The following THNSL1 variants were observed in gnomAD, a reference collection of about 807,000 sequenced individuals.
THNSL1 encodes threonine synthase-like 1.
A neutral mutation model predicts 50.4 loss-of-function variants in THNSL1; 48 were observed. The ratio of observed to expected loss-of-function variants is 0.95; its 90% CI spans 0.76 to 1.21. The LOEUF (loss-of-function observed/expected upper bound fraction) is 1.21. Among genes scored for constraint, THNSL1 ranks in the 50% most tolerant of loss-of-function variants. The pLI is 0.00. For synonymous variants in THNSL1, 309 were observed against 306.1 expected (o/e 1.01, Z -0.10); for missense variants, 896 against 871.7 (o/e 1.03, Z -0.35).
chr10:24,986,294 G>A, the THNSL1 span, among the ~76,000 whole-genome samples: 1 of 152,280 alleles, frequency 6.6e-6, no homozygotes, highest in African/African-American at 2.4e-5. Context: ...ATGATGACAG[G>A]TCAGGGCACA....
At chr10:25,011,289 G>T in the THNSL1 span, among the ~76,000 whole-genome samples, 194 of 152,248 alleles carry the variant, frequency 1.3e-3, no homozygotes, top group African/African-American at 4.5e-3. Flanking sequence ...TTTTGATGGG[G>T]TTGTTTGTTT....
At chr10:25,000,715 A>C in the THNSL1 span, among the ~76,000 whole-genome samples, 2 of 152,096 alleles carry the variant, frequency 1.3e-5, no homozygotes, top group Non-Finnish European at 2.9e-5. Flanking sequence ...ACTGCATAGA[A>C]ATTTTATCCA....
At chr10:25,016,521 G>A (rs915246959), upstream of THNSL1, 2 of 152,784 alleles carry the variant, frequency 1.3e-5, no homozygotes, top group African/African-American at 4.8e-5. Flanking sequence ...AGACGAGGGA[G>A]GGGAGGAGCC....
the THNSL1 span, among the ~76,000 whole-genome samples, chr10:24,968,899 T>C: frequency 6.6e-6 from 1 of 152,166 alleles, no homozygotes; most frequent in Non-Finnish European, 1.5e-5. Context: ...TTTGTTGTTG[T>C]TGTTGTTTTC....
the THNSL1 span, chr10:24,981,854 C>T: frequency 2.0e-5 from 3 of 152,138 alleles, no homozygotes; most frequent in Admixed American, 1.3e-4. Flanking sequence ...CGTGAAATTG[C>T]CTCCTTCTAC....
At chr10:24,999,459 T>A in the THNSL1 span, 5 of 1,613,476 alleles carry the variant, frequency 3.1e-6, no homozygotes, top group Non-Finnish European at 1.7e-6. Context: ...GAGAAGGTAC[T>A]TCAACTTTTG....
At chr10:24,985,899 C>T in the THNSL1 span, among the ~76,000 whole-genome samples, 1 of 152,090 alleles carries the variant, frequency 6.6e-6, no homozygotes, top group Non-Finnish European at 1.5e-5. Flanking sequence ...AAAACCCTGT[C>T]GCTACAAAAA....
chr10:24,987,579 A>G, the THNSL1 span, among the ~76,000 whole-genome samples: 2 of 152,224 alleles, frequency 1.3e-5, no homozygotes, highest in African/African-American at 4.8e-5. Context: ...ACAGAGCAAG[A>G]CTGTCTCAAA....
chr10:24,959,230 G>A, the THNSL1 span, among the ~76,000 whole-genome samples: 1 of 152,242 alleles, frequency 6.6e-6, no homozygotes, highest in Non-Finnish European at 1.5e-5. Flanking sequence ...GTCCTGGGGA[G>A]ACGATCAGCT....
the THNSL1 span, among the ~76,000 whole-genome samples, chr10:24,994,632 A>T: frequency 6.6e-6 from 1 of 152,140 alleles, no homozygotes; most frequent in African/African-American, 2.4e-5. Flanking sequence ...CCCAGCCTGC[A>T]TTCATATTTT....
At chr10:24,958,428 T>C in the THNSL1 span, among the ~76,000 whole-genome samples, 1 of 152,234 alleles carries the variant, frequency 6.6e-6, no homozygotes, top group African/African-American at 2.4e-5. Context: ...CTGCAAGTGC[T>C]CAGGCTAAGT....
chr10:25,023,650 T>C lies in THNSL1; in HGVS notation c.427T>C (p.Trp143Arg), dbSNP rs148198428. Reference protein sequence around the residue: ...GSNPMHDASMWHLKKNGIIVY... With the variant: ...GSNPMHDASMRHLKKNGIIVY... ...CAATCCAATGCATGATGCTAGCATGTGGCATCTGAAGAAAAATGGAATAAT... is the reference window on the plus strand; with the variant it reads ...CAATCCAATGCATGATGCTAGCATGCGGCATCTGAAGAAAAATGGAATAAT... Residue 143 changes from tryptophan (W) to arginine (R), a missense_variant, in exon 3 of 3, where the codon TGG becomes CGG. Physicochemically the swap from Trp to Arg is moderately radical, Grantham distance 101. Coordinates refer to ENST00000376356, the MANE Select transcript of THNSL1 (RefSeq NM_024838.5). 2.5e-6 allele frequency: 4 copies of C among 1,614,174 alleles called. No homozygotes were observed. The highest frequency in any genetic ancestry group is 3.4e-6 in the Non-Finnish European group (4 of 1,180,022).
the THNSL1 span, among the ~76,000 whole-genome samples, chr10:24,962,971 A>G: frequency 6.6e-6 from 1 of 152,232 alleles, no homozygotes; most frequent in Non-Finnish European, 1.5e-5. Flanking sequence ...AAAGAATAGG[A>G]GACTAGAAAA....
the THNSL1 span, among the ~76,000 whole-genome samples, chr10:24,992,999 T>G: frequency 6.6e-6 from 1 of 152,162 alleles, no homozygotes; most frequent in African/African-American, 2.4e-5. Context: ...ATACTCTGTT[T>G]AAGAAAGAGA....
chr10:24,952,566 T>C, the THNSL1 span: 17 of 1,585,308 alleles, frequency 1.1e-5, no homozygotes, highest in Admixed American at 2.8e-4. This position sits in a 1 kb window ranked among gnomAD's most constrained non-coding sequence, Gnocchi z 5.1. Flanking sequence ...TCCTCGCTGC[T>C]CCCGGCCATG....
chr10:24,992,111 A>G, the THNSL1 span, among the ~76,000 whole-genome samples: 1 of 152,254 alleles, frequency 6.6e-6, no homozygotes, highest in African/African-American at 2.4e-5. Flanking sequence ...TTCACCATCT[A>G]TAGAAACAGA....
chr10:25,023,666 A>T lies in THNSL1; in HGVS notation c.443A>T (p.Asn148Ile). Residue 148 changes from asparagine to isoleucine, a missense_variant, in exon 3 of 3, where the codon AAT (asparagine) becomes ATT (isoleucine). By Grantham distance (149) the Asn-to-Ile change is moderately radical. Transcript: ENST00000376356. ...HDASMWHLKK[N>I]GIIVYLDVPL... ...GCTAGCATGTGGCATCTGAAGAAAA[A>T]TGGAATAATTGTATACCTGGATGTA... 1 of 1,614,174 alleles carries T rather than the reference A, an allele frequency of 6.2e-7. No individual in the cohort carries two copies. The highest frequency in any genetic ancestry group is 1.1e-5 in the South Asian group (1 of 91,086).
At chr10:25,014,566 A>G (rs187295273), upstream of THNSL1, among the ~76,000 whole-genome samples, 3 of 152,326 alleles carry the variant, frequency 2.0e-5, no homozygotes, top group African/African-American at 4.8e-5. Flanking sequence ...TAATTTGCCA[A>G]AGAACAGAAT....
the THNSL1 span, chr10:24,953,287 C>G: frequency 4.5e-4 from 69 of 152,482 alleles, no homozygotes; most frequent in African/African-American, 1.6e-3. Flanking sequence ...GGGCCTGGAG[C>G]TGGAAAGATT....
Sources: allele counts gnomAD v4.1 joint callset (sites outside exome capture counted in the v4.1 genomes callset), GRCh38; gene constraint gnomAD v4.1.1; non-coding constraint Gnocchi (gnomAD v3.1); transcripts MANE v1.5; gene names NCBI Gene and HGNC (gene_info 2026-07-23, HGNC 2026-07-21).